The following GABRA2 variants were observed in gnomAD, a reference collection of about 807,000 sequenced individuals.
GABRA2 encodes gamma-aminobutyric acid receptor subunit alpha-2.
A neutral mutation model predicts 48.7 loss-of-function variants in GABRA2; 16 were observed. That is an observed-to-expected ratio of 0.33 (90% confidence interval 0.22 to 0.50). The LOEUF is 0.50. Among genes scored for constraint, GABRA2 ranks in the 20% least tolerant of loss-of-function variants. The probability of loss-of-function intolerance (pLI) is 0.98; values close to 1 mark genes in which losing one functional copy is unlikely to be tolerated. For synonymous variants in GABRA2, 185 were observed against 184.5 expected, an observed-to-expected ratio of 1.00 and a Z score of -0.02; for missense variants, 275 against 535.6, an observed-to-expected ratio of 0.51 and a Z score of 4.80.
At chr4:46,302,226 T>C (rs1363396421) in intron 8 of GABRA2, among the ~76,000 whole-genome samples, 1 of 151,954 alleles carries the variant, frequency 6.6e-6, no homozygotes, top group Admixed American at 6.6e-5. Context: ...GCCACCAAGC[T>C]TGGCTAATTA....
intron 3 of GABRA2, among the ~76,000 whole-genome samples, chr4:46,378,910 T>C (rs1716369615): frequency 6.6e-6 from 1 of 152,100 alleles, no homozygotes; most frequent in Admixed American, 6.5e-5. Flanking sequence ...ACTTGCTGTA[T>C]GGGGAGAAAG....
intron 8 of GABRA2, among the ~76,000 whole-genome samples, chr4:46,297,476 CATATATATATATATATATAT>C (rs56201706): frequency 0.016 from 1,385 of 87,808 alleles, 152 homozygotes; most frequent in Middle Eastern, 0.057. Context: ...AATAAAATCC[CATATATATATATATATATAT>C]ATATATATAT....
At chr4:46,332,463 T>C (rs1156664493) in intron 4 of GABRA2, 152 bp downstream of exon 4, 2 of 534,348 alleles carry the variant, frequency 3.7e-6, no homozygotes, top group Non-Finnish European at 6.8e-6. Context: ...AAACCATAGA[T>C]CCAAACATCT....
chr4:46,388,701 C>T lies in GABRA2; in HGVS notation c.6G>A (p.Lys2=). The change falls in exon 2 of 10, where the codon AAG becomes AAA. Residue 2 remains lysine (K), a synonymous_variant. Coordinates refer to ENST00000381620, the MANE Select transcript of GABRA2 (RefSeq NM_000807.4). M[K]TKLNIYNMQF... is the part of the protein sequence containing the mutation. ...GCATGTTGTAGATGTTCAATTTTGT[C>T]TTCATCACCGCCGCTCTTTACAAAG... 2 of 1,614,136 alleles carry T rather than the reference C, an allele frequency of 1.2e-6. No homozygotes were observed. Among genetic ancestry groups the T allele is most frequent in the Non-Finnish European group, 1.7e-6 (2 of 1,180,014 alleles).
At position 46,257,847 on chromosome 4, in the gene GABRA2, T is replaced by C. The variant is rs566367025; in HGVS notation, c.1059+4079A>G. 6.6e-5 allele frequency among the ~76,000 whole-genome samples: 10 copies of C among 151,838 alleles called. No individual in the cohort carries two copies. The South Asian group carries it at 2.1e-3, about 31-fold the overall frequency. On this transcript the variant is annotated intron_variant, in intron 9 of 9. Coordinates refer to ENST00000381620, the MANE Select transcript of GABRA2 (RefSeq NM_000807.4). ...TATGTAAGGAGAATAATGGACAAGA[T>C]TTAATGACTGACTAGATGTTGAGCG...
chr4:46,252,518 T>C (rs1422142381), intron 9 of GABRA2, among the ~76,000 whole-genome samples: 6 of 151,432 alleles, frequency 4.0e-5, no homozygotes, highest in Non-Finnish European at 1.5e-5. Flanking sequence ...TTTTCTGACT[T>C]GACCAGGTCT....
chr4:46,278,249 A>C (rs1051237317), intron 8 of GABRA2, among the ~76,000 whole-genome samples: 1 of 152,200 alleles, frequency 6.6e-6, no homozygotes, highest in Admixed American at 6.5e-5. Flanking sequence ...TGTTGAATTA[A>C]AAAAACAAAG....
chr4:46,251,837 T>A (rs891685879), intron 9 of GABRA2, among the ~76,000 whole-genome samples: 1 of 151,518 alleles, frequency 6.6e-6, no homozygotes, highest in African/African-American at 2.4e-5. Context: ...GCACTTAGCA[T>A]GAAGCCTTCC....
At position 46,305,729 on chromosome 4, in the gene GABRA2, A is replaced by T; in HGVS notation, c.560-18T>A. On this transcript the variant is annotated intron_variant, in intron 6 of 9. Transcript: ENST00000381620. ...ATATGCATCTATAGGAAATCAGAAAAAATATTTTAAGCATTTTAGTAAGAA... is the reference window on the plus strand; with the variant it reads ...ATATGCATCTATAGGAAATCAGAAATAATATTTTAAGCATTTTAGTAAGAA... 1.3e-6 allele frequency: 2 copies of T among 1,580,588 alleles called. No individual in the cohort carries two copies. The highest frequency in any genetic ancestry group is 2.2e-5 in the South Asian group (2 of 89,000).
intron 8 of GABRA2, among the ~76,000 whole-genome samples, chr4:46,268,242 T>A (rs1383377527): frequency 4.0e-5 from 6 of 151,878 alleles, no homozygotes; most frequent in Admixed American, 6.6e-5. Flanking sequence ...TTTAAAAAAT[T>A]AACAGAGTGA....
At chr4:46,356,406 C>T (rs1178635866) in intron 3 of GABRA2, among the ~76,000 whole-genome samples, 1 of 140,948 alleles carries the variant, frequency 7.1e-6, no homozygotes, top group East Asian at 2.2e-4. Context: ...AACATACTTG[C>T]AATTATCTGG....
chr4:46,268,912 T>C (rs1404170224), intron 8 of GABRA2, among the ~76,000 whole-genome samples: 3 of 151,860 alleles, frequency 2.0e-5, no homozygotes, highest in Non-Finnish European at 4.4e-5. Context: ...TTGGAGAATA[T>C]TATGCTGAGT....
intron 4 of GABRA2, among the ~76,000 whole-genome samples, chr4:46,323,322 T>G (rs979793349): frequency 1.3e-5 from 2 of 151,968 alleles, no homozygotes; most frequent in African/African-American, 4.8e-5. Context: ...TTTACTAAAC[T>G]CAACAAGCTC....
intron 4 of GABRA2, among the ~76,000 whole-genome samples, chr4:46,330,563 C>CAT (rs71955894): frequency 1.5e-4 from 19 of 128,366 alleles, no homozygotes; most frequent in Non-Finnish European, 2.9e-4. Flanking sequence ...TGTATATATG[C>CAT]ATATATATAT....
intron 8 of GABRA2, among the ~76,000 whole-genome samples, chr4:46,272,704 T>A (rs1439582834): frequency 6.6e-6 from 1 of 151,658 alleles, no homozygotes; most frequent in South Asian, 2.1e-4. Flanking sequence ...GAAAACAGCA[T>A]GTACAGAAAA....
At chr4:46,271,425 C>A (rs139311876) in intron 8 of GABRA2, among the ~76,000 whole-genome samples, 18 of 152,000 alleles carry the variant, frequency 1.2e-4, no homozygotes, top group Admixed American at 6.6e-4. Flanking sequence ...GGTGCAAGAA[C>A]CTTTGACATT....
rs1326584033 is a variant in GABRA2, at chr4:46,246,456, C to G, written c.*3852G>C. On this transcript the variant is annotated 3_prime_UTR_variant, in exon 10 of 10. Transcript: ENST00000381620. The stretch of plus-strand genomic sequence containing the variant: ...CCATGTTTCTCAAGCATGCAGATGT[C>G]AAAAATAACTGCACCCCTCCCCAGT... 2.0e-5 allele frequency among the ~76,000 whole-genome samples: 3 copies of G among 150,950 alleles called. No individual in the cohort carries two copies. Among genetic ancestry groups the G allele is most frequent in the African/African-American group, 7.3e-5 (3 of 41,256 alleles).
intron 3 of GABRA2, among the ~76,000 whole-genome samples, chr4:46,343,503 G>T (rs1164336061): frequency 6.6e-6 from 1 of 151,872 alleles, no homozygotes; most frequent in African/African-American, 2.4e-5. Flanking sequence ...CAGCATAGGG[G>T]AAACTGCAGA....
At chr4:46,311,292 T>A (rs279862) in intron 5 of GABRA2, among the ~76,000 whole-genome samples, 1 of 151,942 alleles carries the variant, frequency 6.6e-6, no homozygotes, top group Non-Finnish European at 1.5e-5. Flanking sequence ...AATTTTTTCT[T>A]TAAAGATCAG....
Sources: gnomAD v4.1 joint callset for allele counts (sites outside exome capture counted in the v4.1 genomes callset) on GRCh38, gnomAD v4.1.1 for gene constraint, MANE v1.5 for transcripts, NCBI Gene and HGNC (gene_info 2026-07-23, HGNC 2026-07-21) for gene names.